The following ZNF491 variants were observed in gnomAD, a reference collection of about 807,000 sequenced individuals.
ZNF491 encodes zinc finger protein 491.
ZNF491 carries 22 observed loss-of-function variants against 34.7 expected under a neutral mutation model. The observed-to-expected ratio is 0.63, with a 90% CI of 0.45 to 0.90. ZNF491 has a LOEUF of 0.90. Among genes scored for constraint, ZNF491 ranks in the 40% least tolerant of loss-of-function variants. The pLI, the probability that ZNF491 is intolerant of heterozygous loss-of-function variation, is 0.00. For missense variants in ZNF491, 559 were observed against 531.7 expected (o/e 1.05, Z -0.51); for synonymous variants, 148 against 174.3 (o/e 0.85, Z 1.19).
chr19:11,806,183 A>G lies in ZNF491; in HGVS notation c.230A>G (p.His77Arg). ...CQKFLEKPYKHKQRRKALSHS... is the reference protein window; with the variant it reads ...CQKFLEKPYKRKQRRKALSHS... ...AAATTTTTAGAGAAGCCATATAAAC[A>G]TAAACAACGTAGGAAAGCCTTGAGC... Residue 77 changes from histidine (H) to arginine (R), a missense_variant, in exon 3 of 3, where the codon CAT becomes CGT. By Grantham distance (29) the His-to-Arg change is conservative (BLOSUM62 0). Coordinates refer to ENST00000323169, the MANE Select transcript of ZNF491 (RefSeq NM_152356.4). The G allele has an allele frequency of 6.2e-7, 1 of 1,614,102 alleles. No individual in the cohort carries two copies. Among genetic ancestry groups the G allele is most frequent in the Middle Eastern group, 1.6e-4 (1 of 6,062 alleles).
chr19:11,806,118 C>T lies in ZNF491; in HGVS notation c.165C>T (p.Asn55=). Residue 55 remains asparagine, a synonymous_variant, in exon 3 of 3, where the codon AAC becomes AAT. Coordinates refer to ENST00000323169, the MANE Select transcript of ZNF491 (RefSeq NM_152356.4). ...TGGGATATTCATCCTTTAATAGGAA[C>T]ATCAGAACTGACACTGGACACCAAC... is the stretch of plus-strand genomic sequence containing the variant. ...IFMGYSSFNR[N]IRTDTGHQPH... The T allele has an allele frequency of 6.2e-7, 1 of 1,613,830 alleles. No homozygotes were observed. The highest frequency in any genetic ancestry group is 1.3e-5 in the African/African-American group (1 of 75,022).
Position 11,806,430 on chromosome 19 carries a change from T to C in ZNF491, c.477T>C (p.Tyr159=). The C allele has an allele frequency of 6.2e-7, 1 of 1,613,196 alleles. No homozygotes were observed. The highest frequency in any genetic ancestry group is 1.3e-5 in the African/African-American group (1 of 74,928). The stretch of plus-strand genomic sequence containing the variant: ...GAACTCACACTGGAGAGAAACGATA[T>C]GAATGTAAACAATGTGGTAAAGCCT... ...HERTHTGEKR[Y]ECKQCGKAFS... Residue 159 remains tyrosine (Y), a synonymous_variant, in exon 3 of 3, where the codon TAT becomes TAC. Coordinates refer to ENST00000323169, the MANE Select transcript of ZNF491 (RefSeq NM_152356.4).
At position 11,806,467 on chromosome 19, in the gene ZNF491, A is replaced by C. The variant is rs1339021202; in HGVS notation, c.514A>C (p.Ser172Arg). ...ATGTGGTAAAGCCTTCAGTTGGCAC[A>C]GTTCTGTTCGAATCCATGAAAGAAC... ...KQCGKAFSWH[S>R]SVRIHERTHT... The change falls in exon 3 of 3, where the codon AGT (serine) becomes CGT (arginine). Residue 172 changes from serine (S) to arginine (R), a missense_variant. Transcript: ENST00000323169. 6.2e-7 allele frequency: 1 copy of C among 1,613,630 alleles called. No homozygotes were observed. Among genetic ancestry groups the C allele is most frequent in the African/African-American group, 1.3e-5 (1 of 74,920 alleles).
In ZNF491 at chr19:11,808,447, T is replaced by C. The variant is rs1975642979; in HGVS notation, c.*1180T>C. ...GTACTTGCAAATGTTTTTCTCTTTT[T>C]TTTGTATACTGAGAAGCTCTATTAA... is the stretch of plus-strand genomic sequence containing the variant. On this transcript the variant is annotated 3_prime_UTR_variant, in exon 3 of 3. Coordinates refer to ENST00000323169, the MANE Select transcript of ZNF491 (RefSeq NM_152356.4). Among the ~76,000 whole-genome samples the C allele has an allele frequency of 6.6e-6, 1 of 152,154 alleles. No individual in the cohort carries two copies. Among genetic ancestry groups the C allele is most frequent in the African/African-American group, 2.4e-5 (1 of 41,436 alleles).
Position 11,807,141 on chromosome 19 carries a change from A to G in ZNF491, c.1188A>G (p.Ile396Met), listed in dbSNP as rs1291001182. 5 of 1,610,194 alleles carry G rather than the reference A, an allele frequency of 3.1e-6. No individual in the cohort carries two copies. Among genetic ancestry groups the G allele is most frequent in the Non-Finnish European group, 4.2e-6 (5 of 1,178,774 alleles). Residue 396 changes from isoleucine to methionine, a missense_variant, in exon 3 of 3, where the codon ATA becomes ATG. Transcript: ENST00000323169. Reference sequence around the variant, plus strand: ...GTGGGAAAGCCTTCACTTGTTCCATATATATTAGAATACATGAAAGAATTC... The same window carrying G: ...GTGGGAAAGCCTTCACTTGTTCCATGTATATTAGAATACATGAAAGAATTC... ...KHCGKAFTCS[I>M]YIRIHERIHT...
Position 11,806,235 on chromosome 19 carries a change from A to G in ZNF491, c.282A>G (p.Glu94=). ...ATAGCCACTGCTTTCGAACACATGA[A>G]AGGCCTCACACTAGAGAGAAACCTT... The part of the protein sequence containing the change: ...LSHSHCFRTH[E]RPHTREKPFD... Residue 94 remains glutamate, a synonymous_variant, in exon 3 of 3, where the codon GAA becomes GAG. Transcript: ENST00000323169. The G allele has an allele frequency of 6.2e-7, 1 of 1,613,026 alleles. No homozygotes were observed. Among genetic ancestry groups the G allele is most frequent in the East Asian group, 2.2e-5 (1 of 44,878 alleles).
chr19:11,808,201 G>A lies in ZNF491; in HGVS notation c.*934G>A, dbSNP rs1414121147. On this transcript the variant is annotated 3_prime_UTR_variant, in exon 3 of 3. Transcript: ENST00000323169. ...GTTTGAGACTAGCCTGGCCAACACA[G>A]TGAAACCCCATCTCTACTAAAAGTA... 1 of 158,170 alleles carries A rather than the reference G, an allele frequency of 6.3e-6. No individual in the cohort carries two copies. The highest frequency in any genetic ancestry group is 1.5e-5 in the Non-Finnish European group (1 of 68,082). The allele number at this position is 158,170 out of a possible 1,614,324, so 9.8% of individuals were successfully genotyped here.
intron 1 of ZNF491, among the ~76,000 whole-genome samples, chr19:11,802,459 CT>C (rs1975567604): frequency 6.6e-6 from 1 of 152,120 alleles, no homozygotes; most frequent in Non-Finnish European, 1.5e-5. Context: ...TTTCTTTTCC[CT>C]TGTTGATAGT....
chr19:11,806,985 A>G lies in ZNF491; in HGVS notation c.1032A>G (p.Ile344Met). Residue 344 changes from isoleucine (I) to methionine (M), a missense_variant, in exon 3 of 3, where the codon ATA (isoleucine) becomes ATG (methionine). Transcript: ENST00000323169. ...KAFRSAKYIR[I>M]HGRTHTGEKP... ...TCAGATCTGCCAAGTACATTCGAATACATGGAAGGACTCACACTGGTGAGA... is the reference window on the plus strand; with the variant it reads ...TCAGATCTGCCAAGTACATTCGAATGCATGGAAGGACTCACACTGGTGAGA... 2 of 1,612,974 alleles carry G rather than the reference A, an allele frequency of 1.2e-6. No individual in the cohort carries two copies. Among genetic ancestry groups the G allele is most frequent in the Non-Finnish European group, 1.7e-6 (2 of 1,179,480 alleles).
intron 1 of ZNF491, among the ~76,000 whole-genome samples, chr19:11,800,629 C>T (rs887771713): frequency 7.3e-5 from 11 of 151,676 alleles, no homozygotes; most frequent in Non-Finnish European, 1.6e-4. Flanking sequence ...CAAGCGATTC[C>T]CCTGCCTCAG....
At position 11,806,255 on chromosome 19, in the gene ZNF491, A is replaced by C; in HGVS notation, c.302A>C (p.Lys101Thr). The stretch of plus-strand genomic sequence containing the variant: ...CATGAAAGGCCTCACACTAGAGAGA[A>C]ACCTTTTGATTGTAAGGAATGTGAA... ...RTHERPHTRE[K>T]PFDCKECEKS... The change falls in exon 3 of 3, where the codon AAA (lysine) becomes ACA (threonine). Residue 101 changes from lysine (K) to threonine (T), a missense_variant. By Grantham distance (78) the Lys-to-Thr change is moderately conservative. Transcript: ENST00000323169. 6.2e-7 allele frequency: 1 copy of C among 1,608,754 alleles called. No individual in the cohort carries two copies. Among genetic ancestry groups the C allele is most frequent in the East Asian group, 2.2e-5 (1 of 44,878 alleles).
intron 1 of ZNF491, among the ~76,000 whole-genome samples, chr19:11,801,238 A>G (rs1975556242): frequency 6.6e-6 from 1 of 152,186 alleles, no homozygotes; most frequent in Non-Finnish European, 1.5e-5. Context: ...ATTTTTTATG[A>G]GAGGAAACTA....
At position 11,806,390 on chromosome 19, in the gene ZNF491, A is replaced by G; in HGVS notation, c.437A>G (p.Tyr146Cys). The change falls in exon 3 of 3, where the codon TAC becomes TGC. Residue 146 changes from tyrosine to cysteine, a missense_variant. By Grantham distance (194) the Tyr-to-Cys change is radical. Coordinates refer to ENST00000323169, the MANE Select transcript of ZNF491 (RefSeq NM_152356.4). ...AAAGCCTTGGATTGTCTCAGTTTAT[A>G]CCTTACCCATGAACGAACTCACACT... Reference protein sequence around the residue: ...CGKALDCLSLYLTHERTHTGE... With the variant: ...CGKALDCLSLCLTHERTHTGE... The G allele has an allele frequency of 1.2e-6, 2 of 1,613,662 alleles. No individual in the cohort carries two copies. Among genetic ancestry groups the G allele is most frequent in the Non-Finnish European group, 8.5e-7 (1 of 1,179,820 alleles).
Position 11,805,927 on chromosome 19 carries a change from G to C in ZNF491, c.-7-20G>C, listed in dbSNP as rs777052999. Reference sequence around the variant, plus strand: ...CGCTTATAAACAGACCCTTAATTATGTGCTTGGCATTTTTCACAGAAATTT... The same window carrying C: ...CGCTTATAAACAGACCCTTAATTATCTGCTTGGCATTTTTCACAGAAATTT... On this transcript the variant is annotated intron_variant, in intron 2 of 2. Coordinates refer to ENST00000323169, the MANE Select transcript of ZNF491 (RefSeq NM_152356.4). 13 of 1,516,584 alleles carry C rather than the reference G, an allele frequency of 8.6e-6. No individual in the cohort carries two copies. The South Asian group carries it at 1.6e-4, about 18-fold the overall frequency. 93.9% of individuals were successfully genotyped at this position (1,516,584 alleles called of 1,614,324 possible).
In ZNF491 at chr19:11,806,173, C is replaced by T. The variant is rs199900139; in HGVS notation, c.220C>T (p.Pro74Ser). ...TAAGTGTCAGAAATTTTTAGAGAAGCCATATAAACATAAACAACGTAGGAA... is the reference window on the plus strand; with the variant it reads ...TAAGTGTCAGAAATTTTTAGAGAAGTCATATAAACATAAACAACGTAGGAA... ...PHKCQKFLEK[P>S]YKHKQRRKAL... Residue 74 changes from proline to serine, a missense_variant, in exon 3 of 3, where the codon CCA becomes TCA. By Grantham distance (74) the Pro-to-Ser change is moderately conservative. Transcript: ENST00000323169. The T allele has an allele frequency of 5.0e-6, 8 of 1,613,844 alleles. No individual in the cohort carries two copies. Among genetic ancestry groups the T allele is most frequent in the African/African-American group, 1.3e-5 (1 of 74,914 alleles).
chr19:11,800,794 G>A (rs1405677402), intron 1 of ZNF491, among the ~76,000 whole-genome samples: 1 of 152,072 alleles, frequency 6.6e-6, no homozygotes, highest in East Asian at 1.9e-4. Context: ...AGGCCCAGGT[G>A]GGAGGATTGC....
intron 2 of ZNF491, 103 bp from the exon 3 acceptor site, chr19:11,805,844 A>T: frequency 1.0e-6 from 1 of 1,004,524 alleles, no homozygotes; most frequent in Non-Finnish European, 1.4e-6. Context: ...GAGACTTTGT[A>T]CCAAAAAAAC....
In ZNF491 at chr19:11,805,970, T is replaced by C. The variant is rs1459110717; in HGVS notation, c.17T>C (p.Phe6Ser). MGERL[F>S]ESAEGSQCGE... Reference sequence around the variant, plus strand: ...AGAAATTTTATGGGAGAGAGACTCTTTGAGAGTGCAGAAGGTAGTCAGTGT... The same window carrying C: ...AGAAATTTTATGGGAGAGAGACTCTCTGAGAGTGCAGAAGGTAGTCAGTGT... Residue 6 changes from phenylalanine (F) to serine (S), a missense_variant, in exon 3 of 3, where the codon TTT becomes TCT. Coordinates refer to ENST00000323169, the MANE Select transcript of ZNF491 (RefSeq NM_152356.4). 1 of 1,585,160 alleles carries C rather than the reference T, an allele frequency of 6.3e-7. No homozygotes were observed. Among genetic ancestry groups the C allele is most frequent in the Admixed American group, 1.8e-5 (1 of 54,146 alleles).
chr19:11,801,166 C>T lies in ZNF491; in HGVS notation c.-134+2439C>T, dbSNP rs768377622. ...CCAGCTCAGCAACATAGAGAGACCC[C>T]GTCTCTATTAAATAAATAAATAAAA... On this transcript the variant is annotated intron_variant, in intron 1 of 2. Coordinates refer to ENST00000323169, the MANE Select transcript of ZNF491 (RefSeq NM_152356.4). Among the ~76,000 whole-genome samples, 133 of 151,692 alleles carry T rather than the reference C, an allele frequency of 8.8e-4. 1 individual carries two copies. The highest frequency in any genetic ancestry group is 2.2e-3 in the Admixed American group (34 of 15,226).
Sources: allele counts gnomAD v4.1 joint callset (sites outside exome capture counted in the v4.1 genomes callset), GRCh38; gene constraint gnomAD v4.1.1; transcripts MANE v1.5; gene names NCBI Gene and HGNC (gene_info 2026-07-23, HGNC 2026-07-21).